Variants in MAST3 observed in about 807,000 individuals in gnomAD.
The protein encoded by MAST3 is microtubule-associated serine/threonine-protein kinase 3.
MAST3 carries 43 observed loss-of-function variants against 127.0 expected under a neutral mutation model. That is an observed-to-expected ratio of 0.34 (90% CI 0.27 to 0.44). MAST3 has a LOEUF of 0.44. MAST3 is among the 20% of genes least tolerant of loss of function. The probability of loss-of-function intolerance (pLI) is 1.00; values close to 1 mark genes in which losing one functional copy is unlikely to be tolerated. For synonymous variants in MAST3, 785 were observed against 809.2 expected, an observed-to-expected ratio of 0.97 and a Z score of 0.51; for missense variants, 1,390 against 1,919.1, an observed-to-expected ratio of 0.72 and a Z score of 5.15.
chr19:18,104,497 G>A (rs939338704), intron 1 of MAST3, among the ~76,000 whole-genome samples: 2 of 152,210 alleles, frequency 1.3e-5, no homozygotes, highest in South Asian at 4.1e-4. Flanking sequence ...TCCCAGCTGG[G>A]TCATCCGGCA....
intron 2 of MAST3, chr19:18,109,883 G>A (rs1324643138): frequency 2.1e-6 from 2 of 937,466 alleles, no homozygotes; most frequent in Non-Finnish European, 2.5e-6. Flanking sequence ...GGCTCCCAGA[G>A]AGCCCCAGGG....
Position 18,149,731 on chromosome 19 carries a change from C to T in MAST3, c.*5C>T, listed in dbSNP as rs1247921341. 1.2e-6 allele frequency: 2 copies of T among 1,611,052 alleles called. No individual in the cohort carries two copies. Among genetic ancestry groups the T allele is most frequent in the Non-Finnish European group, 1.7e-6 (2 of 1,179,276 alleles). On this transcript the variant is annotated 3_prime_UTR_variant, in exon 28 of 28. Transcript: ENST00000687212. The surrounding 1 kb of genome is among the most constrained non-coding windows in gnomAD (Gnocchi z 5.9). ...GGGCCCACCGGAAGAGACTGATCCCCTGCCAGGTCTCTCCCTGGCATCAAA... is the reference window on the plus strand; with the variant it reads ...GGGCCCACCGGAAGAGACTGATCCCTTGCCAGGTCTCTCCCTGGCATCAAA...
At chr19:18,099,161 C>G (rs942485138) in intron 1 of MAST3, among the ~76,000 whole-genome samples, 6 of 151,662 alleles carry the variant, frequency 4.0e-5, no homozygotes, top group Non-Finnish European at 7.4e-5. Flanking sequence ...GGAGCCGCAC[C>G]GGTAGCTGCG....
intron 1 of MAST3, among the ~76,000 whole-genome samples, chr19:18,103,586 C>G (rs1298334744): frequency 6.6e-6 from 1 of 152,098 alleles, no homozygotes; most frequent in Non-Finnish European, 1.5e-5. Context: ...CTTTTGGAAG[C>G]AACTTTCAAC....
intron 1 of MAST3, among the ~76,000 whole-genome samples, chr19:18,106,484 G>A (rs1249710313): frequency 1.3e-5 from 2 of 151,776 alleles, no homozygotes; most frequent in African/African-American, 2.4e-5. Flanking sequence ...TGATCTGCCC[G>A]CCTTGGCCTC....
At chr19:18,130,851 G>T (rs904441598) in intron 14 of MAST3, 149 bp downstream of exon 14, 8 of 800,062 alleles carry the variant, frequency 1.0e-5, no homozygotes, top group Non-Finnish European at 1.6e-5. Context: ...CCAGTCTGGG[G>T]TAGGGAGCCC....
intron 3 of MAST3, among the ~76,000 whole-genome samples, chr19:18,118,942 AC>A (rs904313871): frequency 2.4e-4 from 37 of 152,266 alleles, no homozygotes; most frequent in African/African-American, 8.7e-4. Context: ...CAGGGCTTAA[AC>A]TTACCTCCAA....
intron 13 of MAST3, 115 bp from the exon 14 acceptor site, chr19:18,130,378 TG>T: frequency 1.1e-6 from 1 of 885,276 alleles, no homozygotes; most frequent in East Asian, 2.7e-5. Flanking sequence ...GTGGCCCAGG[TG>T]GAGGGCACAG....
At chr19:18,138,462 C>T (rs1439805141) in intron 19 of MAST3, among the ~76,000 whole-genome samples, 1 of 151,750 alleles carries the variant, frequency 6.6e-6, no homozygotes, top group Admixed American at 6.6e-5. Context: ...ATTACAGGTG[C>T]CTGCCACCAT....
Position 18,110,258 on chromosome 19 carries a change from C to A in MAST3, c.72-394C>A. The A allele has an allele frequency of 1.0e-6, 1 of 985,608 alleles. No individual in the cohort carries two copies. Among genetic ancestry groups the A allele is most frequent in the African/African-American group, 1.7e-5 (1 of 57,386 alleles). The allele number at this position is 985,608 out of a possible 1,614,324, so 61.1% of individuals were successfully genotyped here. A position where few individuals can be genotyped will look rare whatever the true frequency, so the allele number is the denominator to read the frequency against. On this transcript the variant is annotated intron_variant, in intron 2 of 27. Transcript: ENST00000687212. This position sits in a 1 kb window ranked among gnomAD's most constrained non-coding sequence, Gnocchi z 4.3. ...CGGTCCGCTCGCGCCACGATCAGGG[C>A]TTCCGGGGGCCAACAAGGGGGCGTC...
rs373065057 is a variant in MAST3 at position 18,110,730 on chromosome 19, G to A, written c.150G>A (p.Leu50=). The A allele has an allele frequency of 4.1e-6, 4 of 985,772 alleles. No individual in the cohort carries two copies. The highest frequency in any genetic ancestry group is 1.1e-4 in the East Asian group (1 of 8,792). The allele number at this position is 985,772 out of a possible 1,614,324, so 61.1% of individuals were successfully genotyped here. The change falls in exon 3 of 28, where the codon CTG becomes CTA. Residue 50 remains leucine, a synonymous_variant. Transcript: ENST00000687212. This position sits in a 1 kb window ranked among gnomAD's most constrained non-coding sequence, Gnocchi z 4.3. ...GCCCCTGTAGCCCCTCCTTGGGCCTGCACCCCTGGAGGTAAGTGACAGCGC... is the reference window on the plus strand; with the variant it reads ...GCCCCTGTAGCCCCTCCTTGGGCCTACACCCCTGGAGGTAAGTGACAGCGC... ...PCSPCSPSLG[L]HPWSCRSGNR...
In MAST3 at chr19:18,105,447, C is replaced by T. The variant is rs144661991; in HGVS notation, c.40-2140C>T. On this transcript the variant is annotated intron_variant, in intron 1 of 27. Coordinates refer to ENST00000687212, the MANE Select transcript of MAST3 (RefSeq NM_001393504.1). ...CCTGTAATCCCAGCATTTTGTAATC[C>T]CGGCATTTTGGGAGGCCAAAGTGGG... Among the ~76,000 whole-genome samples, 256 of 151,704 alleles carry T rather than the reference C, an allele frequency of 1.7e-3. 3 individuals carry two copies. Among genetic ancestry groups the T allele is most frequent in the African/African-American group, 5.9e-3 (243 of 41,296 alleles).
At chr19:18,131,311 G>C (rs563751065) in intron 14 of MAST3, among the ~76,000 whole-genome samples, 2 of 151,940 alleles carry the variant, frequency 1.3e-5, no homozygotes, top group Non-Finnish European at 2.9e-5. Flanking sequence ...CTCTAGAGGC[G>C]GAGCTTGCAG....
chr19:18,121,271 C>T (rs905111435), intron 3 of MAST3, among the ~76,000 whole-genome samples: 6 of 152,182 alleles, frequency 3.9e-5, no homozygotes, highest in Non-Finnish European at 8.8e-5. Context: ...ATCCTCTTGC[C>T]TCAGCCTTCT....
intron 14 of MAST3, among the ~76,000 whole-genome samples, 163 bp from the exon 15 acceptor site, chr19:18,131,746 G>A (rs1293762997): frequency 6.6e-6 from 1 of 152,118 alleles, no homozygotes; most frequent in Non-Finnish European, 1.5e-5. Flanking sequence ...GGTAGGGTCC[G>A]CCCCTTCCCT....
In MAST3 at chr19:18,134,828, G is replaced by A. The variant is rs377090376; in HGVS notation, c.1716G>A (p.Thr572=). 28 of 1,613,882 alleles carry A rather than the reference G, an allele frequency of 1.7e-5. No individual in the cohort carries two copies. The highest frequency in any genetic ancestry group is 1.1e-4 in the East Asian group (5 of 44,894). Residue 572 remains threonine (T), a synonymous_variant, in exon 17 of 28, where the codon ACG becomes ACA. Coordinates refer to ENST00000687212, the MANE Select transcript of MAST3 (RefSeq NM_001393504.1). The stretch of plus-strand genomic sequence containing the variant: ...TCTCCCTGGCCCAGGTGTGTGGGAC[G>A]CCGGAGTACATAGCCCCCGAGGTGA... ...REFIDKQVCG[T]PEYIAPEVIF...
At chr19:18,142,558 G>A (rs2042610492) in intron 21 of MAST3, among the ~76,000 whole-genome samples, 1 of 151,496 alleles carries the variant, frequency 6.6e-6, no homozygotes, top group South Asian at 2.1e-4. Flanking sequence ...TGCCATGTTA[G>A]CCAGGATGGT....
chr19:18,100,124 C>CTTTTTTTTTTTTTT (rs1457164797), intron 1 of MAST3, among the ~76,000 whole-genome samples: 2 of 94,886 alleles, frequency 2.1e-5, no homozygotes, highest in Non-Finnish European at 4.8e-5. Context: ...CTCTCTCTCT[C>CTTTTTTTTTTTTTT]TCTCTTTTTT....
At chr19:18,129,119 A>G (rs1381209415) in intron 13 of MAST3, 168 bp downstream of exon 13, 3 of 644,416 alleles carry the variant, frequency 4.7e-6, no homozygotes, top group Non-Finnish European at 8.2e-6. Flanking sequence ...GACACGCCAT[A>G]GCGAGGTTAC....
Sources: allele counts gnomAD v4.1 joint callset (sites outside exome capture counted in the v4.1 genomes callset), GRCh38; gene constraint gnomAD v4.1.1; non-coding constraint Gnocchi (gnomAD v3.1); transcripts MANE v1.5; gene names NCBI Gene and HGNC (gene_info 2026-07-23, HGNC 2026-07-21).